Variants in FBXO43 observed in about 807,000 individuals in gnomAD.
FBXO43 encodes F-box protein 43, also known as F-box only protein 43.
In FBXO43, 22 loss-of-function variants were observed where a neutral mutation model predicts 56.7. The ratio of observed to expected loss-of-function variants is 0.39; its 90% CI spans 0.28 to 0.55. The LOEUF (loss-of-function observed/expected upper bound fraction) is 0.55. Ranked by LOEUF, FBXO43 falls within the 20% of genes least tolerant of loss-of-function variation. FBXO43 has a pLI of 0.66. For synonymous variants in FBXO43, 306 were observed against 294.5 expected (o/e 1.04, Z -0.40); for missense variants, 733 against 814.9 (o/e 0.90, Z 1.22).
Position 100,145,246 on chromosome 8 carries a change from G to T in FBXO43, c.-111C>A. 1 of 730,788 alleles carries T rather than the reference G, an allele frequency of 1.4e-6. No individual in the cohort carries two copies. The highest frequency in any genetic ancestry group is 2.2e-5 in the South Asian group (1 of 44,982). 45.3% of individuals were successfully genotyped at this position (730,788 alleles called of 1,614,324 possible). On this transcript the variant is annotated 5_prime_UTR_variant, in exon 1 of 5. It adds an upstream start codon to the 5' untranslated region. Transcript: ENST00000428847. ...AAGGGTACACAGGGTGCATGCCGCA[G>T]GGATTATTCCTAACACTTGAGAAGG...
At chr8:100,134,490 T>C (rs544249826) in intron 3 of FBXO43, 126 bp from the exon 4 acceptor site, 3 of 589,802 alleles carry the variant, frequency 5.1e-6, no homozygotes, top group Non-Finnish European at 5.3e-6. Context: ...CCCTAGGCTG[T>C]TCCTTTTCAG....
upstream of FBXO43, among the ~76,000 whole-genome samples, chr8:100,150,069 T>C (rs191648866): frequency 3.2e-4 from 49 of 152,254 alleles, 1 homozygote; most frequent in Admixed American, 3.1e-3. Context: ...GAGGGAGTTG[T>C]TCATGTAGCT....
intron 1 of FBXO43, among the ~76,000 whole-genome samples, chr8:100,144,198 A>G (rs911401978): frequency 2.3e-4 from 35 of 152,202 alleles, no homozygotes; most frequent in African/African-American, 8.4e-4. Context: ...TGCAGATATT[A>G]TCTCTTTCCT....
At chr8:100,144,782 A>G (rs551599002) in intron 1 of FBXO43, among the ~76,000 whole-genome samples, 106 of 152,034 alleles carry the variant, frequency 7.0e-4, no homozygotes, top group Non-Finnish European at 1.4e-3. Flanking sequence ...ATACAAAAAA[A>G]TTATCCGGGC....
chr8:100,148,323 G>A (rs771645385), upstream of FBXO43, among the ~76,000 whole-genome samples: 1 of 152,134 alleles, frequency 6.6e-6, no homozygotes, highest in East Asian at 1.9e-4. Flanking sequence ...AAGACACCTA[G>A]TTATATGTAG....
chr8:100,140,894 T>C lies in FBXO43; in HGVS notation c.1360A>G (p.Lys454Glu). ...QLVHELFMKS[K>E]RKRLQENSGH... Reference sequence around the variant, plus strand: ...CTATTTTCCTGTAATCTTTTCCTCTTGCTTTTCATGAACAGCTCATGTACC... The same window carrying C: ...CTATTTTCCTGTAATCTTTTCCTCTCGCTTTTCATGAACAGCTCATGTACC... Residue 454 changes from lysine to glutamate, a missense_variant, in exon 2 of 5, where the codon AAG becomes GAG. Physicochemically the swap from Lys to Glu is moderately conservative, Grantham distance 56. Transcript: ENST00000428847. The C allele has an allele frequency of 6.2e-7, 1 of 1,614,208 alleles. No individual in the cohort carries two copies. The highest frequency in any genetic ancestry group is 8.5e-7 in the Non-Finnish European group (1 of 1,180,046).
At position 100,137,548 on chromosome 8, in the gene FBXO43, A is replaced by C. The variant is rs748581236; in HGVS notation, c.1674+17T>G. 2.0e-6 allele frequency: 3 copies of C among 1,476,902 alleles called. No individual in the cohort carries two copies. The East Asian group carries it at 6.9e-5, about 34-fold the overall frequency. 91.5% of individuals were successfully genotyped at this position (1,476,902 alleles called of 1,614,324 possible). ...TATTTATACAAATCCATTTTAGAGA[A>C]GTATTACATACATTACCTCAGAATC... On this transcript the variant is annotated intron_variant, in intron 3 of 4. Transcript: ENST00000428847.
In FBXO43 at chr8:100,137,674, C is replaced by CA; in HGVS notation, c.1572-8dup. On this transcript the variant is annotated splice_polypyrimidine_tract_variant and splice_region_variant and intron_variant, in intron 2 of 4. Transcript: ENST00000428847. Reference sequence around the variant, plus strand: ...TCTGCTTACTTTCCAAACACTATAACAAAAAGATCCATCCTTATATTGCAT... The same window carrying CA: ...TCTGCTTACTTTCCAAACACTATAACAAAAAAGATCCATCCTTATATTGCAT... 1 of 1,590,770 alleles carries CA rather than the reference C, an allele frequency of 6.3e-7. No homozygotes were observed. The highest frequency in any genetic ancestry group is 8.6e-7 in the Non-Finnish European group (1 of 1,160,102).
At position 100,145,104 on chromosome 8, in the gene FBXO43, G is replaced by C. The variant is rs1357464581; in HGVS notation, c.32C>G (p.Ser11Cys). The change falls in exon 1 of 5, where the codon TCT becomes TGT. Residue 11 changes from serine to cysteine, a missense_variant. Coordinates refer to ENST00000428847, the MANE Select transcript of FBXO43 (RefSeq NM_001029860.4). MSFKDKDERI[S>C]CLEAYVTLTS... Reference sequence around the variant, plus strand: ...CAAAGTTACGTAGGCTTCCAAACAAGAAATTCTCTCATCTTTGTCTTTAAA... The same window carrying C: ...CAAAGTTACGTAGGCTTCCAAACAACAAATTCTCTCATCTTTGTCTTTAAA... 6.8e-6 allele frequency: 11 copies of C among 1,612,586 alleles called. No homozygotes were observed. The highest frequency in any genetic ancestry group is 5.0e-5 in the Admixed American group (3 of 59,798).
rs765087798 is a variant in FBXO43 at position 100,141,297 on chromosome 8, A to C, written c.957T>G (p.Ser319=). ...TACTGCCTCTCACTTCAGGTGAAGG[A>C]GAAAGTATTTGACTTGCGTTAAATC... The part of the protein sequence containing the change: ...NIRFNASQIL[S]PSPEVRGSIS... The change falls in exon 2 of 5, where the codon TCT becomes TCG. Residue 319 remains serine, a synonymous_variant. Coordinates refer to ENST00000428847, the MANE Select transcript of FBXO43 (RefSeq NM_001029860.4). 4.3e-6 allele frequency: 7 copies of C among 1,614,042 alleles called. No individual in the cohort carries two copies. In the African/African-American group the frequency reaches 9.3e-5, roughly 22 times the overall value.
chr8:100,149,537 G>A (rs1459626190), upstream of FBXO43, among the ~76,000 whole-genome samples: 1 of 152,202 alleles, frequency 6.6e-6, no homozygotes, highest in Non-Finnish European at 1.5e-5. Flanking sequence ...CTGTTAGCCT[G>A]TCTGTGAAGA....
chr8:100,147,695 G>GT (rs1260013256), upstream of FBXO43, among the ~76,000 whole-genome samples: 1 of 152,228 alleles, frequency 6.6e-6, no homozygotes, highest in Non-Finnish European at 1.5e-5. Flanking sequence ...CCAGAAGGCA[G>GT]TGGGGGGTGG....
intron 3 of FBXO43, 34 bp downstream of exon 3, chr8:100,137,531 C>T (rs1313468196): frequency 7.2e-7 from 1 of 1,386,634 alleles, no homozygotes; most frequent in Admixed American, 1.9e-5. Context: ...TGTATTTATA[C>T]AAATCCATTT....
At position 100,137,444 on chromosome 8, in the gene FBXO43, G is replaced by C. The variant is rs954988119; in HGVS notation, c.1674+121C>G. 1.7e-5 allele frequency: 11 copies of C among 635,662 alleles called. No individual in the cohort carries two copies. In the Admixed American group the frequency reaches 3.1e-4, roughly 18 times the overall value. The allele number at this position is 635,662 out of a possible 1,614,324, so 39.4% of individuals were successfully genotyped here. A position where few individuals can be genotyped will look rare whatever the true frequency, so the allele number is the denominator to read the frequency against. On this transcript the variant is annotated intron_variant, in intron 3 of 4. Transcript: ENST00000428847. ...TTTGGGAAAACTAAGGAATTTATGA[G>C]TGAATGTTTGTTAAATGGAAAAGGT...
Position 100,145,309 on chromosome 8 carries a change from A to G in FBXO43, c.-174T>C, listed in dbSNP as rs1301647457. 2 of 463,970 alleles carry G rather than the reference A, an allele frequency of 4.3e-6. No individual in the cohort carries two copies. Among genetic ancestry groups the G allele is most frequent in the Admixed American group, 4.1e-5 (1 of 24,158 alleles). The allele number at this position is 463,970 out of a possible 1,614,324, so 28.7% of individuals were successfully genotyped here. On this transcript the variant is annotated 5_prime_UTR_variant, in exon 1 of 5. Transcript: ENST00000428847. Reference sequence around the variant, plus strand: ...TGAATTTCCTTCAGCCCTCCAGAAAATAGTTATCTTAATATCCTTGTTTTC... The same window carrying G: ...TGAATTTCCTTCAGCCCTCCAGAAAGTAGTTATCTTAATATCCTTGTTTTC...
At chr8:100,139,460 G>A (rs1256824113) in intron 2 of FBXO43, among the ~76,000 whole-genome samples, 1 of 152,014 alleles carries the variant, frequency 6.6e-6, no homozygotes, top group African/African-American at 2.4e-5. Context: ...AAAAACCAAG[G>A]ACCCTGTAAA....
chr8:100,135,385 G>C (rs1170233950), intron 3 of FBXO43, among the ~76,000 whole-genome samples: 2 of 152,152 alleles, frequency 1.3e-5, no homozygotes, highest in African/African-American at 4.8e-5. Context: ...CTAGAAGAAA[G>C]TGTTGAAAAT....
intron 3 of FBXO43, among the ~76,000 whole-genome samples, chr8:100,136,496 T>C (rs1437686755): frequency 6.6e-6 from 1 of 152,236 alleles, no homozygotes; most frequent in Non-Finnish European, 1.5e-5. Flanking sequence ...AGATGCCTAT[T>C]ACACAAAATA....
upstream of FBXO43, among the ~76,000 whole-genome samples, chr8:100,147,089 C>G (rs1814847032): frequency 6.6e-6 from 1 of 152,172 alleles, no homozygotes; most frequent in African/African-American, 2.4e-5. Flanking sequence ...CTCAGGTGAT[C>G]CACCTGCCTC....
Sources: gnomAD v4.1 joint callset for allele counts (sites outside exome capture counted in the v4.1 genomes callset) on GRCh38, gnomAD v4.1.1 for gene constraint, MANE v1.5 for transcripts, NCBI Gene and HGNC (gene_info 2026-07-23, HGNC 2026-07-21) for gene names.